Variants in ACKR2 observed in about 807,000 individuals in gnomAD.
ACKR2 encodes atypical chemokine receptor 2, also known as C-C chemokine receptor D6.
For synonymous variants in ACKR2, 207 were observed against 192.2 expected, an observed-to-expected ratio of 1.08 and a Z score of -0.64; for missense variants, 457 against 477.3, an observed-to-expected ratio of 0.96 and a Z score of 0.40.
At chr3:42,853,641 A>G (rs925697222) in intron 2 of ACKR2, among the ~76,000 whole-genome samples, 1 of 152,176 alleles carries the variant, frequency 6.6e-6, no homozygotes, top group African/African-American at 2.4e-5. Context: ...TCCTGGCTCT[A>G]CTACTCAATT....
At chr3:42,814,122 TC>T (rs563160626) in intron 1 of ACKR2, among the ~76,000 whole-genome samples, 1 of 152,246 alleles carries the variant, frequency 6.6e-6, no homozygotes, top group African/African-American at 2.4e-5. Context: ...ATCAGATGAT[TC>T]AGTCAATTTT....
At chr3:42,862,950 A>G (rs1023212713) in intron 2 of ACKR2, among the ~76,000 whole-genome samples, 5 of 152,338 alleles carry the variant, frequency 3.3e-5, no homozygotes, top group African/African-American at 1.2e-4. Context: ...AGGCATTGGC[A>G]AAGACTTCAT....
intron 1 of ACKR2, among the ~76,000 whole-genome samples, chr3:42,818,113 TATTC>T (rs916600777): frequency 3.3e-5 from 5 of 152,232 alleles, no homozygotes; most frequent in African/African-American, 1.2e-4. Flanking sequence ...CAGAGCTATC[TATTC>T]AACTGTGTTG....
intron 1 of ACKR2, among the ~76,000 whole-genome samples, chr3:42,813,155 C>T (rs181689933): frequency 3.6e-4 from 54 of 152,106 alleles, no homozygotes; most frequent in African/African-American, 1.2e-3. Context: ...ATATGAATAA[C>T]GAAAGCAAGA....
rs991878387 is a variant in ACKR2, at chr3:42,865,995, G to A, written c.*338G>A. On this transcript the variant is annotated 3_prime_UTR_variant, in exon 3 of 3. Transcript: ENST00000422265. ...ACTTTCCTTCCTTCCTTCTGACAGG[G>A]TCTTGCTCTATTGCTCTGTCACCCA... 1 of 269,920 alleles carries A rather than the reference G, an allele frequency of 3.7e-6. No homozygotes were observed. Among genetic ancestry groups the A allele is most frequent in the South Asian group, 4.6e-5 (1 of 21,842 alleles). 16.7% of individuals were successfully genotyped at this position (269,920 alleles called of 1,614,324 possible).
At chr3:42,848,010 T>G (rs1701115392) in intron 2 of ACKR2, among the ~76,000 whole-genome samples, 2 of 151,958 alleles carry the variant, frequency 1.3e-5, no homozygotes, top group South Asian at 4.2e-4. Context: ...GGGGTGACAC[T>G]GAGGGAGTGA....
intron 2 of ACKR2, chr3:42,834,617 C>T (rs1042006250): frequency 3.9e-5 from 6 of 151,956 alleles, no homozygotes; most frequent in Admixed American, 6.6e-5. Context: ...CTCACTCTGT[C>T]GCCAGGCTGC....
intron 2 of ACKR2, among the ~76,000 whole-genome samples, chr3:42,833,692 T>G (rs1257097564): frequency 7.0e-6 from 1 of 143,458 alleles, no homozygotes; most frequent in East Asian, 2.3e-4. Flanking sequence ...GGAATGACGA[T>G]TTGAGAGATC....
At chr3:42,846,801 T>A (rs2125616395) in intron 2 of ACKR2, among the ~76,000 whole-genome samples, 1 of 152,306 alleles carries the variant, frequency 6.6e-6, no homozygotes, top group South Asian at 2.1e-4. Context: ...TTACTGAGTG[T>A]CTACTGTGTG....
In ACKR2 at chr3:42,831,698, T is replaced by C. The variant is rs530847129; in HGVS notation, c.-38+11987T>C. 8.5e-5 allele frequency among the ~76,000 whole-genome samples: 13 copies of C among 152,334 alleles called. No individual in the cohort carries two copies. In the South Asian group the frequency reaches 2.1e-3, roughly 24 times the overall value. ...CCCTTCTCTTCCAAATTAGTACTTT[T>C]GTAAGTAGTCTCCCTCTGCCTAGGA... On this transcript the variant is annotated intron_variant, in intron 2 of 2. Coordinates refer to ENST00000422265, the MANE Select transcript of ACKR2 (RefSeq NM_001296.5).
intron 1 of ACKR2, among the ~76,000 whole-genome samples, chr3:42,819,239 G>A (rs2125603536): frequency 6.6e-6 from 1 of 152,250 alleles, no homozygotes; most frequent in South Asian, 2.1e-4. Context: ...GTTATATCCT[G>A]ATTTTTAAAG....
chr3:42,833,167 T>C (rs868312394), intron 2 of ACKR2, among the ~76,000 whole-genome samples: 2 of 152,280 alleles, frequency 1.3e-5, no homozygotes, highest in Middle Eastern at 6.8e-3. Flanking sequence ...CTTGGGTTAA[T>C]TTATAAATTT....
Position 42,847,352 on chromosome 3 carries a change from G to A in ACKR2, c.-37-17114G>A, listed in dbSNP as rs1344678. On this transcript the variant is annotated intron_variant, in intron 2 of 2. Coordinates refer to ENST00000422265, the MANE Select transcript of ACKR2 (RefSeq NM_001296.5). ...TGGGGACAGCACAGAAAGAGGAAGT[G>A]GAAGAGGTGAGAGGAGCATCATTTC... Among the ~76,000 whole-genome samples, 678 of 152,280 alleles carry A rather than the reference G, an allele frequency of 4.5e-3. 6 individuals are homozygous for A. The highest frequency in any genetic ancestry group is 0.016 in the African/African-American group (654 of 41,560).
At chr3:42,858,552 C>T (rs1423771643) in intron 2 of ACKR2, among the ~76,000 whole-genome samples, 2 of 152,106 alleles carry the variant, frequency 1.3e-5, no homozygotes, top group Non-Finnish European at 2.9e-5. Context: ...GTAGATAAAT[C>T]CATGAAGATG....
intron 1 of ACKR2, 62 bp from the exon 2 acceptor site, chr3:42,819,569 C>G (rs546516559): frequency 6.6e-6 from 1 of 152,230 alleles, no homozygotes; most frequent in African/African-American, 2.4e-5. Context: ...ATGCATGTAC[C>G]TTGGGTTACA....
intron 2 of ACKR2, among the ~76,000 whole-genome samples, chr3:42,838,612 G>T (rs776410479): frequency 6.6e-6 from 1 of 152,160 alleles, no homozygotes; most frequent in African/African-American, 2.4e-5. Context: ...TGCAAAAATG[G>T]TATGGTCACT....
intron 2 of ACKR2, among the ~76,000 whole-genome samples, chr3:42,860,012 T>A (rs2088363300): frequency 6.6e-6 from 1 of 151,654 alleles, no homozygotes; most frequent in African/African-American, 2.4e-5. Flanking sequence ...GTAAACAGGT[T>A]AAATGCCCCA....
At chr3:42,831,077 C>T (rs1480837227) in intron 2 of ACKR2, among the ~76,000 whole-genome samples, 1 of 151,928 alleles carries the variant, frequency 6.6e-6, no homozygotes, top group Non-Finnish European at 1.5e-5. Context: ...AAAACAGAAA[C>T]TCTCATCGTG....
intron 2 of ACKR2, among the ~76,000 whole-genome samples, chr3:42,832,163 T>C (rs888635217): frequency 6.6e-6 from 1 of 152,180 alleles, no homozygotes; most frequent in Non-Finnish European, 1.5e-5. Context: ...CCTCCATCTC[T>C]TAAGATGTCA....
Sources: allele counts gnomAD v4.1 joint callset (sites outside exome capture counted in the v4.1 genomes callset), GRCh38; gene constraint gnomAD v4.1.1; transcripts MANE v1.5; gene names NCBI Gene and HGNC (gene_info 2026-07-23, HGNC 2026-07-21).